Variants in GTF3C2 observed in about 807,000 individuals in gnomAD.
GTF3C2 encodes general transcription factor IIIC subunit 2, also known as general transcription factor 3C polypeptide 2.
Under a neutral mutation model 117.4 loss-of-function variants are expected in GTF3C2, and 17 were observed. That is an observed-to-expected ratio of 0.14 (90% CI 0.10 to 0.22). The LOEUF (loss-of-function observed/expected upper bound fraction) is 0.22. Among genes scored for constraint, GTF3C2 ranks in the 10% least tolerant of loss-of-function variants. The pLI is 1.00. For missense variants in GTF3C2, 888 were observed against 1,143.6 expected (o/e 0.78, Z 3.22); for synonymous variants, 437 against 427.0 (o/e 1.02, Z -0.29).
chr2:27,327,113 C>T (rs1572560606), intron 18 of GTF3C2, 64 bp downstream of exon 18: 11 of 885,474 alleles, frequency 1.2e-5, no homozygotes, highest in Non-Finnish European at 2.0e-5. Flanking sequence ...TCTACCATTT[C>T]ATCAGCCCCA....
In GTF3C2 at chr2:27,329,149, T is replaced by C. The variant is rs551596395; in HGVS notation, c.2011A>G (p.Thr671Ala). Residue 671 changes from threonine (T) to alanine (A), a missense_variant, in exon 14 of 19, where the codon ACT becomes GCT. Around this residue, in one of 7 missense-constraint regions of GTF3C2, gnomAD observed 277 missense variants for 445.4 expected, o/e 0.62. Coordinates refer to ENST00000264720, the Ensembl canonical transcript of GTF3C2. This position sits in a 1 kb window ranked among gnomAD's most constrained non-coding sequence, Gnocchi z 4.5. ...GCATAGCAGTTGTCCTGAGCCACAG[T>C]GACACCATTGTAGGGAAGCAGCCAG... The C allele has an allele frequency of 1.1e-5, 18 of 1,614,100 alleles. No homozygotes were observed. The South Asian group carries it at 2.0e-4, about 18-fold the overall frequency.
chr2:27,326,581 C>T, exon 19 of GTF3C2: 1 of 892,440 alleles, frequency 1.1e-6, no homozygotes, highest in South Asian at 1.5e-5. Context: ...GGCATGATCA[C>T]TGTCCAGGGA....
chr2:27,336,074 G>C (rs746451314), intron 8 of GTF3C2, 46 bp from the exon 9 acceptor site: 5 of 1,432,602 alleles, frequency 3.5e-6, no homozygotes, highest in Non-Finnish European at 4.9e-6. Flanking sequence ...AAGAAGGGAC[G>C]CAGGGCTGCC....
At chr2:27,343,089 C>T in exon 3 of GTF3C2, 2 of 1,611,052 alleles carry the variant, frequency 1.2e-6, no homozygotes, top group Non-Finnish European at 8.5e-7. Context: ...TACCACCTCT[C>T]TTCCGGCCAG....
chr2:27,334,201 T>C (rs79467585), intron 10 of GTF3C2, among the ~76,000 whole-genome samples: 2 of 138,232 alleles, frequency 1.4e-5, no homozygotes, highest in African/African-American at 5.8e-5. Context: ...AGGCCTTGCC[T>C]TTTTTTTTTT....
Position 27,335,350 on chromosome 2 carries a change from TC to T in GTF3C2, c.1576+247del, listed in dbSNP as rs1366976068. On this transcript the variant is annotated intron_variant, in intron 10 of 18. Transcript: ENST00000264720. ...ACCTGTGGCAGCAAGAGGGGGAAAGTCTTGAGAGCACAGAAGAGGGAAGAAG... is the reference window on the plus strand; with the variant it reads ...ACCTGTGGCAGCAAGAGGGGGAAAGTTTGAGAGCACAGAAGAGGGAAGAAG... The T allele has an allele frequency of 6.3e-6, 4 of 630,026 alleles. No individual in the cohort carries two copies. In the African/African-American group the frequency reaches 7.2e-5, roughly 11 times the overall value. 39.0% of individuals were successfully genotyped at this position (630,026 alleles called of 1,614,324 possible). A position where few individuals can be genotyped will look rare whatever the true frequency, so the allele number is the denominator to read the frequency against.
chr2:27,343,586 CAG>C lies in GTF3C2; in HGVS notation c.-24-10_-24-9del. 5.0e-6 allele frequency: 8 copies of C among 1,609,408 alleles called. 1 individual carries two copies. In the South Asian group the frequency reaches 5.5e-5, roughly 11 times the overall value. On this transcript the variant is annotated splice_polypyrimidine_tract_variant and intron_variant, in intron 1 of 18. Coordinates refer to ENST00000264720, the Ensembl canonical transcript of GTF3C2. Reference sequence around the variant, plus strand: ...CCCCCAAAATGGCTGCCCCTGCATACAGAGACACACAAATGAGTAGAGGACAA... The same window carrying C: ...CCCCCAAAATGGCTGCCCCTGCATACAGACACACAAATGAGTAGAGGACAA...
exon 16 of GTF3C2, chr2:27,328,547 G>T (rs775105903): frequency 1.9e-6 from 3 of 1,609,658 alleles, no homozygotes; most frequent in Non-Finnish European, 2.6e-6. Context: ...GAGCTCCCCG[G>T]ATATATCTCC....
chr2:27,354,633 T>C (rs1231880746), intron 1 of GTF3C2, among the ~76,000 whole-genome samples: 1 of 152,066 alleles, frequency 6.6e-6, no homozygotes, highest in Non-Finnish European at 1.5e-5. Flanking sequence ...CAGGCGCCTG[T>C]AATCCCATCT....
rs748495614 is a variant in GTF3C2, at chr2:27,341,932, T to A, written c.855+16A>T. ...CCTACTATGTCCCCATTCACTTTCTTGTCCATTGAGGTTACCCCTGAAGTA... is the reference window on the plus strand; with the variant it reads ...CCTACTATGTCCCCATTCACTTTCTAGTCCATTGAGGTTACCCCTGAAGTA... On this transcript the variant is annotated intron_variant, in intron 4 of 18. Transcript: ENST00000264720. 1.6e-5 allele frequency: 26 copies of A among 1,607,374 alleles called. No homozygotes were observed. Among genetic ancestry groups the A allele is most frequent in the Non-Finnish European group, 2.2e-5 (26 of 1,174,636 alleles).
intron 16 of GTF3C2, 78 bp downstream of exon 16, chr2:27,328,390 T>G: frequency 2.7e-6 from 4 of 1,454,560 alleles, no homozygotes; most frequent in Non-Finnish European, 3.9e-6. Context: ...GACCTGACAC[T>G]AGTTTGTACT....
chr2:27,352,579 T>C lies in GTF3C2; in HGVS notation c.-25+4160A>G, dbSNP rs538821988. ...CATTTAAATATGTTTATAATTCTCA[T>C]CTTCACACATAACTATCCTTCACCC... On this transcript the variant is annotated intron_variant, in intron 1 of 18. Coordinates refer to ENST00000264720, the Ensembl canonical transcript of GTF3C2. 2.6e-5 allele frequency among the ~76,000 whole-genome samples: 4 copies of C among 152,298 alleles called. No individual in the cohort carries two copies. The East Asian group carries it at 5.8e-4, about 22-fold the overall frequency.
rs539528606 is a variant in GTF3C2 at position 27,351,171 on chromosome 2, G to A, written c.-25+5568C>T. On this transcript the variant is annotated intron_variant, in intron 1 of 18. Coordinates refer to ENST00000264720, the Ensembl canonical transcript of GTF3C2. ...TCACGCCTGTAATCCTAGCACTCTG[G>A]GAGGCTGAAGAGGGCGGATCACCTA... 2.6e-5 allele frequency among the ~76,000 whole-genome samples: 4 copies of A among 152,216 alleles called. No individual in the cohort carries two copies. The South Asian group carries it at 8.3e-4, about 32-fold the overall frequency.
chr2:27,337,107 G>T (rs902687547), intron 7 of GTF3C2, 137 bp downstream of exon 7: 7 of 636,212 alleles, frequency 1.1e-5, no homozygotes, highest in Non-Finnish European at 2.0e-5. Flanking sequence ...ACCAGCTCTA[G>T]TCAGCACTCT....
chr2:27,327,937 G>T, intron 17 of GTF3C2, 100 bp downstream of exon 17: 1 of 1,020,384 alleles, frequency 9.8e-7, no homozygotes. Flanking sequence ...AGGCTCCTTA[G>T]TTTTACATCT....
intron 12 of GTF3C2, among the ~76,000 whole-genome samples, chr2:27,332,355 ATCTATAAAGAAC>A (rs1389412404): frequency 2.0e-5 from 3 of 151,454 alleles, no homozygotes; most frequent in Admixed American, 2.0e-4. Context: ...TTCTATTTTT[ATCTATAAAGAAC>A]TGCATGAAAT....
At chr2:27,356,509 G>T (rs953270526) in intron 1 of GTF3C2, 1 of 232,840 alleles carries the variant, frequency 4.3e-6, no homozygotes, top group Non-Finnish European at 9.0e-6. Flanking sequence ...GCGTGGGGGA[G>T]GAGGGCAAGA....
intron 3 of GTF3C2, chr2:27,342,435 A>C (rs886459637): frequency 1.7e-6 from 1 of 579,366 alleles, no homozygotes; most frequent in Non-Finnish European, 3.0e-6. Flanking sequence ...CTGAGATAAC[A>C]AATGTGGAAT....
chr2:27,327,294 G>C lies in GTF3C2; in HGVS notation c.2410-10C>G, dbSNP rs1187355891. On this transcript the variant is annotated splice_polypyrimidine_tract_variant and intron_variant, in intron 17 of 18. Coordinates refer to ENST00000264720, the Ensembl canonical transcript of GTF3C2. ...GATCATGGAATGAACCCTGGGGAAG[G>C]GAAATGGAATAGGAGAGAGAAAGTG... is the stretch of plus-strand genomic sequence containing the variant. The C allele has an allele frequency of 1.4e-6, 2 of 1,425,590 alleles. No homozygotes were observed. The allele number at this position is 1,425,590 out of a possible 1,614,324, so 88.3% of individuals were successfully genotyped here. A position where few individuals can be genotyped will look rare whatever the true frequency, so the allele number is the denominator to read the frequency against.
Sources: gnomAD v4.1 joint callset for allele counts (sites outside exome capture counted in the v4.1 genomes callset) on GRCh38, gnomAD v4.1.1 for gene constraint, gnomAD v4.1.1 regional missense constraint, Gnocchi (gnomAD v3.1) non-coding constraint, MANE v1.5 for transcripts, NCBI Gene and HGNC (gene_info 2026-07-23, HGNC 2026-07-21) for gene names.